ACOT12: variants seen among roughly 807,000 people sequenced by gnomAD.
ACOT12 encodes acyl-CoA thioesterase 12.
A neutral mutation model predicts 67.7 loss-of-function variants in ACOT12; 51 were observed. That is an observed-to-expected ratio of 0.75 (90% CI 0.60 to 0.95). The LOEUF (loss-of-function observed/expected upper bound fraction) is 0.95, where lower values mean the gene tolerates loss of function less well. Among genes scored for constraint, ACOT12 ranks in the 40% least tolerant of loss-of-function variants. ACOT12 has a pLI of 0.00. For missense variants in ACOT12, 734 were observed against 708.1 expected (o/e 1.04, Z -0.41); for synonymous variants, 251 against 244.6 (o/e 1.03, Z -0.24).
At chr5:81,348,002 C>T (rs952438743) in intron 5 of ACOT12, 72 bp from the exon 6 acceptor site, 11 of 1,491,108 alleles carry the variant, frequency 7.4e-6, no homozygotes, top group South Asian at 2.6e-5. Context: ...TTTTCCTTCC[C>T]GGCAGTACAT....
intron 11 of ACOT12, among the ~76,000 whole-genome samples, chr5:81,340,773 G>C (rs1759170508): frequency 6.6e-6 from 1 of 152,148 alleles, no homozygotes; most frequent in Admixed American, 6.5e-5. Context: ...TGTAAAACGT[G>C]GGAGAGAAGA....
intron 11 of ACOT12, among the ~76,000 whole-genome samples, chr5:81,337,852 G>C (rs1759052382): frequency 6.6e-6 from 1 of 152,180 alleles, no homozygotes; most frequent in South Asian, 2.1e-4. Flanking sequence ...TGGGGGTGCT[G>C]CTCCCCAGGT....
chr5:81,373,120 C>A (rs183543366), intron 2 of ACOT12, among the ~76,000 whole-genome samples: 11 of 152,144 alleles, frequency 7.2e-5, no homozygotes, highest in African/African-American at 2.4e-4. Context: ...TCAGCGAGAT[C>A]GATGCAGAAG....
Position 81,342,711 on chromosome 5 carries a change from T to C in ACOT12, c.1089A>G (p.Ala363=). 1 of 1,614,204 alleles carries C rather than the reference T, an allele frequency of 6.2e-7. No individual in the cohort carries two copies. Among genetic ancestry groups the C allele is most frequent in the Non-Finnish European group, 8.5e-7 (1 of 1,180,018 alleles). Residue 363 remains alanine, a synonymous_variant, in exon 11 of 15, where the codon GCA becomes GCG. Transcript: ENST00000307624. ...DSNVEALKKL[A]AKRGWEVTST... is the part of the protein sequence containing the mutation. The stretch of plus-strand genomic sequence containing the variant: ...TGGTAACCTCCCAACCCCTTTTGGC[T>C]GCCAGTTTTTTGAGGGCCTCCACAT...
At chr5:81,327,071 T>G (rs933535943), downstream of ACOT12, among the ~76,000 whole-genome samples, 1 of 151,984 alleles carries the variant, frequency 6.6e-6, no homozygotes, top group African/African-American at 2.4e-5. Flanking sequence ...AAGACTATCC[T>G]TATAACTATG....
At chr5:81,345,747 T>A (rs1410781367) in intron 7 of ACOT12, 138 bp downstream of exon 7, 2 of 1,151,560 alleles carry the variant, frequency 1.7e-6, no homozygotes. Context: ...GTTAAAAATA[T>A]GTTCATGGAT....
intron 4 of ACOT12, among the ~76,000 whole-genome samples, chr5:81,362,588 C>T (rs1404888358): frequency 6.6e-6 from 1 of 152,150 alleles, no homozygotes; most frequent in Non-Finnish European, 1.5e-5. Context: ...AGGTGTATTC[C>T]TTTGTCACTT....
chr5:81,336,676 G>A (rs980686144), intron 11 of ACOT12, among the ~76,000 whole-genome samples: 5 of 152,098 alleles, frequency 3.3e-5, no homozygotes, highest in South Asian at 2.1e-4. Context: ...TATCCTTCCC[G>A]TTTTCTTTAT....
chr5:81,315,948 C>A, the ACOT12 span, among the ~76,000 whole-genome samples: 1 of 152,192 alleles, frequency 6.6e-6, no homozygotes, highest in Admixed American at 6.5e-5. Context: ...TTTGTCCCAT[C>A]TCTCTGCTAG....
At chr5:81,378,811 A>G (rs1216889409) in intron 2 of ACOT12, among the ~76,000 whole-genome samples, 1 of 152,224 alleles carries the variant, frequency 6.6e-6, no homozygotes, top group Non-Finnish European at 1.5e-5. Flanking sequence ...TACAATGACA[A>G]TCATTAAAAA....
At chr5:81,331,687 T>C (rs1477425864) in intron 13 of ACOT12, among the ~76,000 whole-genome samples, 2 of 152,246 alleles carry the variant, frequency 1.3e-5, no homozygotes, top group East Asian at 3.8e-4. Context: ...TTTTACTGTA[T>C]AGCCCTCTAG....
At chr5:81,328,026 T>C (rs1446249197), downstream of ACOT12, among the ~76,000 whole-genome samples, 2 of 152,144 alleles carry the variant, frequency 1.3e-5, no homozygotes, top group African/African-American at 2.4e-5. Context: ...CAGCTGTCTT[T>C]AATTTTCTCT....
At chr5:81,373,204 G>T (rs1324178532) in intron 2 of ACOT12, among the ~76,000 whole-genome samples, 1 of 152,220 alleles carries the variant, frequency 6.6e-6, no homozygotes, top group African/African-American at 2.4e-5. Context: ...AGTGGGTGCA[G>T]CCCATGGAGG....
chr5:81,371,895 A>C lies in ACOT12; in HGVS notation c.198-85T>G. The C allele has an allele frequency of 3.4e-6, 4 of 1,169,134 alleles. No homozygotes were observed. In the East Asian group the frequency reaches 9.4e-5, roughly 27 times the overall value. The allele number at this position is 1,169,134 out of a possible 1,614,324, so 72.4% of individuals were successfully genotyped here. A position where few individuals can be genotyped will look rare whatever the true frequency, so the allele number is the denominator to read the frequency against. ...CTTAAAGATTACTTAAATGCATGCC[A>C]TAAAGCAGTTCCACCTTATCATGCT... On this transcript the variant is annotated intron_variant, in intron 2 of 14. Coordinates refer to ENST00000307624, the MANE Select transcript of ACOT12 (RefSeq NM_130767.3).
intron 3 of ACOT12, among the ~76,000 whole-genome samples, chr5:81,367,937 CA>C (rs1760131882): frequency 6.6e-6 from 1 of 152,066 alleles, no homozygotes; most frequent in Non-Finnish European, 1.5e-5. Flanking sequence ...GATTTTAAAA[CA>C]AAAACCAGAG....
rs1230244053 is a variant in ACOT12, at chr5:81,394,098, G to A, written c.17C>T (p.Pro6Leu). 1 of 1,455,088 alleles carries A rather than the reference G, an allele frequency of 6.9e-7. No homozygotes were observed. The highest frequency in any genetic ancestry group is 9.0e-7 in the Non-Finnish European group (1 of 1,108,764). The allele number at this position is 1,455,088 out of a possible 1,614,324, so 90.1% of individuals were successfully genotyped here. A position where few individuals can be genotyped will look rare whatever the true frequency, so the allele number is the denominator to read the frequency against. MERPA[P>L]GEVVMSQAIQ... ...GGCTTGGCTCATGACCACCTCGCCG[G>A]GCGCCGGCCGCTCCATGGCCAGGGC... Residue 6 changes from proline to leucine, a missense_variant, in exon 1 of 15, where the codon CCC becomes CTC. Coordinates refer to ENST00000307624, the MANE Select transcript of ACOT12 (RefSeq NM_130767.3).
At chr5:81,372,166 T>G (rs1301839405) in intron 2 of ACOT12, among the ~76,000 whole-genome samples, 1 of 152,198 alleles carries the variant, frequency 6.6e-6, no homozygotes, top group Non-Finnish European at 1.5e-5. Flanking sequence ...ACAGCTGGTA[T>G]TTATTTTTGA....
intron 2 of ACOT12, 92 bp downstream of exon 2, chr5:81,385,665 C>T (rs750466936): frequency 8.6e-7 from 1 of 1,167,182 alleles, no homozygotes. Flanking sequence ...AAGATCACTA[C>T]CTCTGCCTGA....
At chr5:81,309,083 G>A in the ACOT12 span, 1 of 1,418,588 alleles carries the variant, frequency 7.0e-7, no homozygotes, top group Non-Finnish European at 9.6e-7. Flanking sequence ...GAGTCATCGT[G>A]CAGTTGTGAT....
Sources: gnomAD v4.1 joint callset for allele counts (sites outside exome capture counted in the v4.1 genomes callset) on GRCh38, gnomAD v4.1.1 for gene constraint, MANE v1.5 for transcripts, NCBI Gene and HGNC (gene_info 2026-07-23, HGNC 2026-07-21) for gene names.